MYO9A: variants seen among roughly 807,000 people sequenced by gnomAD.
The protein encoded by MYO9A is unconventional myosin-IXa.
Under a neutral mutation model 293.3 loss-of-function variants are expected in MYO9A, and 103 were observed. That is an observed-to-expected ratio of 0.35 (90% CI 0.30 to 0.41). The LOEUF (loss-of-function observed/expected upper bound fraction) is 0.41, where lower values mean the gene tolerates loss of function less well. Among genes scored for constraint, MYO9A ranks in the 10% least tolerant of loss-of-function variants. The probability of loss-of-function intolerance (pLI) is 1.00; values close to 1 mark genes in which losing one functional copy is unlikely to be tolerated. For synonymous variants in MYO9A, 1,001 were observed against 1,035.7 expected, an observed-to-expected ratio of 0.97 and a Z score of 0.64; for missense variants, 2,685 against 3,033.0, an observed-to-expected ratio of 0.89 and a Z score of 2.69.
intron 18 of MYO9A, among the ~76,000 whole-genome samples, chr15:71,926,582 CTA>C (rs2058318801): frequency 6.6e-6 from 1 of 152,106 alleles, no homozygotes; most frequent in Non-Finnish European, 1.5e-5. Context: ...TGGTACATGC[CTA>C]TATTTCCAGC....
chr15:71,922,935 T>C (rs186183443), intron 18 of MYO9A, among the ~76,000 whole-genome samples: 80 of 152,234 alleles, frequency 5.3e-4, no homozygotes, highest in African/African-American at 1.9e-3. Flanking sequence ...ATAGAGAAAG[T>C]GGTGAAAGCG....
intron 12 of MYO9A, among the ~76,000 whole-genome samples, chr15:71,973,974 G>C (rs576842908): frequency 3.6e-4 from 55 of 152,312 alleles, no homozygotes; most frequent in African/African-American, 1.3e-3. Flanking sequence ...GAATGTAGAA[G>C]GTAAGTGAGA....
At chr15:71,990,211 A>G (rs2076504524) in intron 11 of MYO9A, among the ~76,000 whole-genome samples, 1 of 151,380 alleles carries the variant, frequency 6.6e-6, no homozygotes, top group Non-Finnish European at 1.5e-5. Flanking sequence ...GAGTCTCCTG[A>G]GTAGCTGGGA....
At chr15:71,928,442 C>G (rs1192265492) in intron 18 of MYO9A, among the ~76,000 whole-genome samples, 2 of 151,592 alleles carry the variant, frequency 1.3e-5, no homozygotes, top group African/African-American at 4.8e-5. Flanking sequence ...TTTGTGTATT[C>G]ATATGAATTT....
At chr15:71,960,166 A>T (rs776413621) in intron 13 of MYO9A, 70 bp from the exon 14 acceptor site, 34 of 1,366,776 alleles carry the variant, frequency 2.5e-5, no homozygotes, top group Non-Finnish European at 3.4e-5. Flanking sequence ...ACGGGTGATA[A>T]CATACTTTGG....
At chr15:71,843,743 G>C (rs80004702) in intron 39 of MYO9A, among the ~76,000 whole-genome samples, 2,050 of 152,204 alleles carry the variant, frequency 0.013, 23 homozygotes, top group East Asian at 0.024. Flanking sequence ...TCGGCCTCCC[G>C]AAGTTCTGGG....
intron 39 of MYO9A, among the ~76,000 whole-genome samples, chr15:71,844,268 T>C (rs1421513337): frequency 6.6e-6 from 1 of 152,216 alleles, no homozygotes; most frequent in East Asian, 1.9e-4. Context: ...CTCTCCCTCC[T>C]TCCTTTTGGG....
At chr15:72,061,423 A>G (rs1373964577) in intron 1 of MYO9A, among the ~76,000 whole-genome samples, 1 of 152,130 alleles carries the variant, frequency 6.6e-6, no homozygotes, top group Non-Finnish European at 1.5e-5. Flanking sequence ...CATGGACAGC[A>G]TTTCCAGACC....
At chr15:71,941,208 G>A (rs1247943206) in intron 15 of MYO9A, among the ~76,000 whole-genome samples, 1 of 152,074 alleles carries the variant, frequency 6.6e-6, no homozygotes, top group Admixed American at 6.6e-5. Context: ...GGCCAAGGTG[G>A]GCACATCACC....
At chr15:72,004,417 C>T (rs7177067) in intron 8 of MYO9A, among the ~76,000 whole-genome samples, 1 of 152,014 alleles carries the variant, frequency 6.6e-6, no homozygotes, top group Admixed American at 6.6e-5. Context: ...ATTAGCCGGG[C>T]ATGGTGGCGC....
rs114153258 is a variant in MYO9A at position 71,936,982 on chromosome 15, G to A, written c.2379-1498C>T. ...AAAGGAGAGAGAGAGGAGAGAGTGAGAGGAAGGAAGGAAGCAAGTGAGGGA... is the reference window on the plus strand; with the variant it reads ...AAAGGAGAGAGAGAGGAGAGAGTGAAAGGAAGGAAGGAAGCAAGTGAGGGA... On this transcript the variant is annotated intron_variant, in intron 16 of 41. Coordinates refer to ENST00000356056, the MANE Select transcript of MYO9A (RefSeq NM_006901.4). 7.0e-3 allele frequency among the ~76,000 whole-genome samples: 1,034 copies of A among 147,888 alleles called. 12 individuals are homozygous for A. The highest frequency in any genetic ancestry group is 0.024 in the African/African-American group (964 of 40,442).
chr15:72,076,766 A>C (rs1360858883), intron 1 of MYO9A, among the ~76,000 whole-genome samples: 1 of 152,210 alleles, frequency 6.6e-6, no homozygotes, highest in Non-Finnish European at 1.5e-5. Flanking sequence ...TGGAAAAGTA[A>C]AAGACCAAGA....
intron 18 of MYO9A, among the ~76,000 whole-genome samples, chr15:71,926,108 G>A (rs2058307545): frequency 6.6e-6 from 1 of 152,140 alleles, no homozygotes; most frequent in African/African-American, 2.4e-5. Flanking sequence ...GTGCAGCAGT[G>A]TAGTCTCTGT....
intron 8 of MYO9A, among the ~76,000 whole-genome samples, chr15:72,002,771 A>G (rs1596355938): frequency 6.6e-6 from 1 of 152,354 alleles, no homozygotes; most frequent in East Asian, 1.9e-4. Context: ...GAGACAGGGT[A>G]CAAGGGTACA....
intron 1 of MYO9A, among the ~76,000 whole-genome samples, chr15:72,104,313 A>G (rs771754452): frequency 6.6e-6 from 1 of 151,754 alleles, no homozygotes; most frequent in Non-Finnish European, 1.5e-5. Flanking sequence ...TAGGTGTAAT[A>G]AATGCATTTT....
chr15:72,048,238 A>C (rs1360311764), intron 1 of MYO9A, among the ~76,000 whole-genome samples: 1 of 151,754 alleles, frequency 6.6e-6, no homozygotes, highest in Non-Finnish European at 1.5e-5. Flanking sequence ...TGTCTGTACT[A>C]AAAATACAAA....
chr15:72,067,013 TA>T (rs1196091805), intron 1 of MYO9A, among the ~76,000 whole-genome samples: 1 of 149,434 alleles, frequency 6.7e-6, no homozygotes, highest in Non-Finnish European at 1.5e-5. Context: ...ATCATTACAT[TA>T]TATATTACAA....
intron 11 of MYO9A, among the ~76,000 whole-genome samples, chr15:71,984,079 G>T (rs537386033): frequency 5.3e-5 from 8 of 152,182 alleles, no homozygotes; most frequent in Admixed American, 2.6e-4. Context: ...GGGTGAAACT[G>T]TCATAATTTC....
At chr15:71,918,724 C>T (rs895952835) in intron 18 of MYO9A, among the ~76,000 whole-genome samples, 8 of 152,082 alleles carry the variant, frequency 5.3e-5, no homozygotes, top group Non-Finnish European at 1.2e-4. Flanking sequence ...CCCACTTCCA[C>T]TTTTAAGATA....
Sources: gnomAD v4.1 joint callset for allele counts (sites outside exome capture counted in the v4.1 genomes callset) on GRCh38, gnomAD v4.1.1 for gene constraint, MANE v1.5 for transcripts, NCBI Gene and HGNC (gene_info 2026-07-23, HGNC 2026-07-21) for gene names.